GRIN2A: variants seen among roughly 807,000 people sequenced by gnomAD.
GRIN2A encodes the protein glutamate ionotropic receptor NMDA type subunit 2A, also known as glutamate receptor ionotropic, NMDA 2A.
In GRIN2A, 22 loss-of-function variants were observed where a neutral mutation model predicts 113.4. The observed-to-expected ratio is 0.19, with a 90% CI of 0.14 to 0.28. The LOEUF (loss-of-function observed/expected upper bound fraction) is 0.28. GRIN2A is among the 10% of genes least tolerant of loss of function. The pLI, the probability that GRIN2A is intolerant of heterozygous loss-of-function variation, is 1.00. For missense variants in GRIN2A, 1,502 were observed against 1,887.0 expected (o/e 0.80, Z 3.78); for synonymous variants, 827 against 738.4 (o/e 1.12, Z -1.94).
intron 2 of GRIN2A, among the ~76,000 whole-genome samples, chr16:10,160,709 T>C (rs933826708): frequency 6.6e-6 from 1 of 152,354 alleles, no homozygotes; most frequent in East Asian, 1.9e-4. Context: ...TTAACAGATT[T>C]GTTTAAGAAA....
At chr16:10,104,708 A>G (rs952686078) in intron 2 of GRIN2A, among the ~76,000 whole-genome samples, 4 of 152,176 alleles carry the variant, frequency 2.6e-5, no homozygotes, top group African/African-American at 9.7e-5. Flanking sequence ...AAAAGTGCAA[A>G]GCATACCGAA....
chr16:9,842,472 T>C (rs1015230224), intron 5 of GRIN2A, among the ~76,000 whole-genome samples: 12 of 152,088 alleles, frequency 7.9e-5, no homozygotes, highest in Non-Finnish European at 1.5e-5. Flanking sequence ...CACATTGGAG[T>C]GTTACCTAAG....
intron 2 of GRIN2A, among the ~76,000 whole-genome samples, chr16:10,073,897 G>A (rs1203089604): frequency 7.1e-6 from 1 of 141,806 alleles, no homozygotes; most frequent in Non-Finnish European, 1.5e-5. Flanking sequence ...TCCAATCTGT[G>A]TGACAGAGTG....
chr16:9,891,110 G>C lies in GRIN2A; in HGVS notation c.1008-10C>G. ...AACATTGACCATAAATCTAGAAAGG[G>C]GAAGAGAGAAAGACAAATTTTTAGG... On this transcript the variant is annotated splice_polypyrimidine_tract_variant and intron_variant, in intron 3 of 12. Coordinates refer to ENST00000330684, the MANE Select transcript of GRIN2A (RefSeq NM_001134407.3). 6.4e-7 allele frequency: 1 copy of C among 1,557,518 alleles called. No individual in the cohort carries two copies. The highest frequency in any genetic ancestry group is 8.9e-7 in the Non-Finnish European group (1 of 1,128,554).
intron 2 of GRIN2A, among the ~76,000 whole-genome samples, chr16:9,983,003 T>C (rs1156553339): frequency 6.6e-6 from 1 of 152,210 alleles, no homozygotes; most frequent in African/African-American, 2.4e-5. Flanking sequence ...TGACATTGTA[T>C]ATTAATATTT....
At chr16:10,059,109 A>G (rs2047505259) in intron 2 of GRIN2A, among the ~76,000 whole-genome samples, 1 of 152,184 alleles carries the variant, frequency 6.6e-6, no homozygotes, top group Non-Finnish European at 1.5e-5. Context: ...AGGACAGTCC[A>G]TGTTGCTGGA....
intron 2 of GRIN2A, among the ~76,000 whole-genome samples, chr16:10,090,085 A>C (rs1018047067): frequency 6.6e-6 from 1 of 152,208 alleles, no homozygotes; most frequent in Non-Finnish European, 1.5e-5. Flanking sequence ...CCTACCAGGC[A>C]TTATATGAGG....
intron 2 of GRIN2A, among the ~76,000 whole-genome samples, chr16:10,018,191 G>A (rs543549459): frequency 1.3e-4 from 20 of 152,258 alleles, no homozygotes; most frequent in East Asian, 3.9e-4. Flanking sequence ...ATTTAGCTTC[G>A]TTTAGGAGGC....
chr16:10,106,212 GT>G lies in GRIN2A; in HGVS notation c.414+73785del, dbSNP rs71402429. On this transcript the variant is annotated intron_variant, in intron 2 of 12. Transcript: ENST00000330684. ...GTTTTTTTTTTTTGTTTGGGGAAGT[GT>G]TTTTTTTTTTCTTTTTATCTTTCAT... 4.4e-4 allele frequency among the ~76,000 whole-genome samples: 62 copies of G among 140,976 alleles called. 1 individual carries two copies. Among genetic ancestry groups the G allele is most frequent in the South Asian group, 1.4e-3 (6 of 4,416 alleles). 92.5% of individuals were successfully genotyped at this position (140,976 alleles called of 152,430 possible).
intron 4 of GRIN2A, among the ~76,000 whole-genome samples, chr16:9,865,236 C>A (rs1465534494): frequency 6.6e-6 from 1 of 152,236 alleles, no homozygotes; most frequent in South Asian, 2.1e-4. Context: ...AGGAGGGTTC[C>A]CTTGGGATGG....
intron 2 of GRIN2A, among the ~76,000 whole-genome samples, chr16:10,033,452 A>T (rs971964482): frequency 6.6e-6 from 1 of 152,214 alleles, no homozygotes; most frequent in Non-Finnish European, 1.5e-5. Context: ...ACAAGCTACG[A>T]TGAAAATAAA....
At chr16:10,012,124 C>A (rs2046517080) in intron 2 of GRIN2A, among the ~76,000 whole-genome samples, 1 of 152,168 alleles carries the variant, frequency 6.6e-6, no homozygotes, top group Non-Finnish European at 1.5e-5. Flanking sequence ...ATCATTCTTA[C>A]TCATTTACAA....
intron 2 of GRIN2A, chr16:10,112,961 G>T: frequency 2.7e-6 from 1 of 363,886 alleles, no homozygotes; most frequent in Middle Eastern, 9.7e-4. Context: ...CTCCATAACT[G>T]AGTGGTCCAC....
At chr16:10,092,177 G>C (rs1368343749) in intron 2 of GRIN2A, among the ~76,000 whole-genome samples, 1 of 152,154 alleles carries the variant, frequency 6.6e-6, no homozygotes, top group African/African-American at 2.4e-5. Flanking sequence ...AATGGTTCTA[G>C]CCTCATTCTC....
At position 9,993,428 on chromosome 16, in the gene GRIN2A, C is replaced by T. The variant is rs2046164055; in HGVS notation, c.415-54877G>A. Among the ~76,000 whole-genome samples the T allele has an allele frequency of 2.0e-5, 3 of 151,966 alleles. No homozygotes were observed. The South Asian group carries it at 6.2e-4, about 32-fold the overall frequency. ...AGAAATAGCAGAGTATGGTGGCCTG[C>T]ACCTGTAATCCTACCTACTTGGAAG... On this transcript the variant is annotated intron_variant, in intron 2 of 12. Transcript: ENST00000330684.
chr16:10,080,550 C>G (rs1168284219), intron 2 of GRIN2A, among the ~76,000 whole-genome samples: 1 of 152,170 alleles, frequency 6.6e-6, no homozygotes, highest in East Asian at 1.9e-4. Context: ...TTCTTGGAAG[C>G]CGAGCAACAC....
At chr16:9,847,719 A>G (rs1273846834) in intron 5 of GRIN2A, among the ~76,000 whole-genome samples, 3 of 149,380 alleles carry the variant, frequency 2.0e-5, no homozygotes, top group South Asian at 2.1e-4. Context: ...AATGTTTTAT[A>G]TATTTTTAAC....
rs546052181 is a variant in GRIN2A, at chr16:9,860,665, G to A, written c.1123-10704C>T. 2.0e-4 allele frequency among the ~76,000 whole-genome samples: 31 copies of A among 152,192 alleles called. 1 individual carries two copies. The South Asian group carries it at 6.2e-3, about 31-fold the overall frequency. ...AGTTTGTAGCTAGAAGATTCGGAAG[G>A]CAGAGTGACAAGCTGGGAGATGGCT... On this transcript the variant is annotated intron_variant, in intron 4 of 12. Transcript: ENST00000330684.
At position 9,772,922 on chromosome 16, in the gene GRIN2A, CA is replaced by C. The variant is rs71400490; in HGVS notation, c.2357-3834del. ...AACATGGTAAAGCAGACTTCAATTT[CA>C]AAAAAAAAAAAAAAAAAAAAGAGCA... On this transcript the variant is annotated intron_variant, in intron 11 of 12. Transcript: ENST00000330684. Among the ~76,000 whole-genome samples, 1,045 of 104,954 alleles carry C rather than the reference CA, an allele frequency of 1.0e-2. 5 individuals carry two copies. Among genetic ancestry groups the C allele is most frequent in the African/African-American group, 0.036 (961 of 26,796 alleles). The allele number at this position is 104,954 out of a possible 152,430, so 68.9% of individuals were successfully genotyped here.
Sources: gnomAD v4.1 joint callset for allele counts (sites outside exome capture counted in the v4.1 genomes callset) on GRCh38, gnomAD v4.1.1 for gene constraint, MANE v1.5 for transcripts, NCBI Gene and HGNC (gene_info 2026-07-23, HGNC 2026-07-21) for gene names.